The following IRAK4 variants were observed in gnomAD, a reference collection of about 807,000 sequenced individuals.
The protein encoded by IRAK4 is interleukin 1 receptor associated kinase 4, also known as interleukin-1 receptor-associated kinase 4.
A neutral mutation model predicts 51.8 loss-of-function variants in IRAK4; 44 were observed. The observed-to-expected ratio is 0.85, with a 90% CI of 0.67 to 1.09. IRAK4 has a LOEUF of 1.09. IRAK4 is among the 50% of genes least tolerant of loss of function. The probability of loss-of-function intolerance (pLI) is 0.00; values close to 1 mark genes in which losing one functional copy is unlikely to be tolerated. For synonymous variants in IRAK4, 149 were observed against 174.1 expected, an observed-to-expected ratio of 0.86 and a Z score of 1.13; for missense variants, 487 against 538.0, an observed-to-expected ratio of 0.91 and a Z score of 0.94.
At chr12:43,777,833 A>G in intron 7 of IRAK4, 89 bp downstream of exon 7, 1 of 1,078,582 alleles carries the variant, frequency 9.3e-7, no homozygotes, top group Middle Eastern at 2.0e-4. Flanking sequence ...TTTAAACCAA[A>G]TTCACTTTCA....
intron 10 of IRAK4, 86 bp from the exon 11 acceptor site, chr12:43,786,313 T>A: frequency 4.8e-6 from 4 of 834,954 alleles, no homozygotes; most frequent in Non-Finnish European, 6.7e-6. Flanking sequence ...TATTACAAAG[T>A]AGATTAATTT....
At chr12:43,782,181 T>C in intron 8 of IRAK4, 126 bp from the exon 9 acceptor site, 1 of 654,804 alleles carries the variant, frequency 1.5e-6, no homozygotes, top group South Asian at 1.9e-5. Context: ...TGTAAATATG[T>C]ATGTACATAT....
At chr12:43,764,372 C>T (rs1240306461) in intron 1 of IRAK4, among the ~76,000 whole-genome samples, 2 of 152,046 alleles carry the variant, frequency 1.3e-5, no homozygotes, top group African/African-American at 4.8e-5. Context: ...TGCAGTAAGC[C>T]AAAATTGCAC....
At chr12:43,778,554 CTT>C (rs1169904936) in intron 8 of IRAK4, among the ~76,000 whole-genome samples, 1 of 152,118 alleles carries the variant, frequency 6.6e-6, no homozygotes, top group African/African-American at 2.4e-5. Context: ...CTTCTTGACA[CTT>C]TTGCCTTATG....
chr12:43,768,545 G>A (rs1012713299), intron 2 of IRAK4: 1 of 297,002 alleles, frequency 3.4e-6, no homozygotes, highest in Non-Finnish European at 6.2e-6. Context: ...TGTTTGGCAA[G>A]CCAAGTGAAG....
chr12:43,760,590 G>T (rs976906848), intron 1 of IRAK4, among the ~76,000 whole-genome samples: 7 of 152,100 alleles, frequency 4.6e-5, no homozygotes, highest in African/African-American at 1.7e-4. Flanking sequence ...CCTTGCTGTT[G>T]CCCAGTGGGC....
At chr12:43,784,871 C>T (rs994662253) in intron 10 of IRAK4, among the ~76,000 whole-genome samples, 2 of 152,094 alleles carry the variant, frequency 1.3e-5, no homozygotes, top group Non-Finnish European at 2.9e-5. Context: ...TAGATTCTGC[C>T]GTTGTCAAAC....
At chr12:43,771,389 T>G in intron 3 of IRAK4, 24 bp downstream of exon 3, 1 of 1,612,678 alleles carries the variant, frequency 6.2e-7, no homozygotes, top group South Asian at 1.1e-5. Context: ...GACCAGGGTG[T>G]CCACAATTAG....
At chr12:43,772,125 T>G in intron 3 of IRAK4, 55 bp from the exon 4 acceptor site, 1 of 1,441,586 alleles carries the variant, frequency 6.9e-7, no homozygotes, top group South Asian at 1.1e-5. Context: ...GTTTAACTTT[T>G]TCACAACCAC....
At chr12:43,779,481 CTAGTG>C (rs764394926) in intron 8 of IRAK4, among the ~76,000 whole-genome samples, 1 of 152,058 alleles carries the variant, frequency 6.6e-6, no homozygotes, top group Non-Finnish European at 1.5e-5. Flanking sequence ...GATTTTAACT[CTAGTG>C]TAGAGAACAG....
Position 43,786,740 on chromosome 12 carries a change from C to T in IRAK4, c.*25C>T. 2 of 1,595,662 alleles carry T rather than the reference C, an allele frequency of 1.3e-6. No individual in the cohort carries two copies. Among genetic ancestry groups the T allele is most frequent in the African/African-American group, 2.7e-5 (2 of 74,666 alleles). On this transcript the variant is annotated 3_prime_UTR_variant, in exon 12 of 12. Coordinates refer to ENST00000613694, the MANE Select transcript of IRAK4 (RefSeq NM_016123.4). ...AAACTTTATTGGAAAAGACTCTTGA[C>T]TTTTTATATACACCTATCTCAACCA...
chr12:43,777,712 A>G lies in IRAK4; in HGVS notation c.799A>G (p.Asn267Asp). The change falls in exon 7 of 12, where the codon AAT becomes GAT. Residue 267 changes from asparagine (N) to aspartate (D), a missense_variant. Coordinates refer to ENST00000613694, the MANE Select transcript of IRAK4 (RefSeq NM_016123.4). Reference protein sequence around the residue: ...DLCLVYVYMPNGSLLDRLSCL... With the variant: ...DLCLVYVYMPDGSLLDRLSCL... ...CTGCTTAGTATATGTTTACATGCCT[A>G]ATGGTTCATTGCTAGACAGACTCTC... The G allele has an allele frequency of 1.2e-6, 2 of 1,613,368 alleles. No individual in the cohort carries two copies. Among genetic ancestry groups the G allele is most frequent in the Non-Finnish European group, 1.7e-6 (2 of 1,179,552 alleles).
At chr12:43,779,244 T>C (rs972193515) in intron 8 of IRAK4, among the ~76,000 whole-genome samples, 2 of 151,842 alleles carry the variant, frequency 1.3e-5, no homozygotes, top group Admixed American at 6.6e-5. Context: ...GCCTGGGTAA[T>C]AAAGTAAGAC....
intron 6 of IRAK4, among the ~76,000 whole-genome samples, chr12:43,777,268 A>G (rs1941361825): frequency 6.6e-6 from 1 of 152,144 alleles, no homozygotes; most frequent in South Asian, 2.1e-4. Flanking sequence ...GTACACCAGT[A>G]GTCCAAGCTA....
intron 1 of IRAK4, chr12:43,760,832 C>G (rs1347957323): frequency 6.6e-6 from 1 of 152,116 alleles, no homozygotes; most frequent in African/African-American, 2.4e-5. Flanking sequence ...TGCTTATTGC[C>G]TTCCTTCCTC....
intron 6 of IRAK4, among the ~76,000 whole-genome samples, chr12:43,777,031 C>T (rs551897274): frequency 6.6e-6 from 1 of 152,264 alleles, no homozygotes; most frequent in East Asian, 1.9e-4. Flanking sequence ...TGAGCATCAG[C>T]CTAGTCCTTA....
chr12:43,776,328 T>A (rs956252892), intron 6 of IRAK4, among the ~76,000 whole-genome samples: 1 of 152,194 alleles, frequency 6.6e-6, no homozygotes, highest in African/African-American at 2.4e-5. Flanking sequence ...AACAGATAAA[T>A]CACTTGCCAC....
Position 43,779,258 on chromosome 12 carries a change from G to T in IRAK4, c.941+956G>T, listed in dbSNP as rs755153061. The stretch of plus-strand genomic sequence containing the variant: ...AGCCTGGGTAATAAAGTAAGACTCT[G>T]TCTAAAAAAAAATGAAGTAAATGCA... On this transcript the variant is annotated intron_variant, in intron 8 of 11. Transcript: ENST00000613694. Among the ~76,000 whole-genome samples, 3 of 151,950 alleles carry T rather than the reference G, an allele frequency of 2.0e-5. No homozygotes were observed. The East Asian group carries it at 5.8e-4, about 29-fold the overall frequency.
At chr12:43,763,273 T>C (rs1364254698) in intron 1 of IRAK4, 1 of 152,204 alleles carries the variant, frequency 6.6e-6, no homozygotes. Flanking sequence ...AAAATACACC[T>C]TTCTTTATAA....
Sources: allele counts gnomAD v4.1 joint callset (sites outside exome capture counted in the v4.1 genomes callset), GRCh38; gene constraint gnomAD v4.1.1; transcripts MANE v1.5; gene names NCBI Gene and HGNC (gene_info 2026-07-23, HGNC 2026-07-21).